Variants in CSTPP1 observed in about 807,000 individuals in gnomAD.
CSTPP1 encodes the protein UPF0705 protein C11orf49.
the CSTPP1 span, among the ~76,000 whole-genome samples, chr11:47,046,774 C>T: frequency 7.2e-6 from 1 of 138,730 alleles, no homozygotes; most frequent in African/African-American, 2.7e-5. Context: ...TCAAGTGATT[C>T]TCCTGCTCAG....
At chr11:47,124,635 G>T in the CSTPP1 span, among the ~76,000 whole-genome samples, 2 of 151,976 alleles carry the variant, frequency 1.3e-5, no homozygotes, top group Non-Finnish European at 2.9e-5. Context: ...TATACGTGAG[G>T]CATGACAGGA....
chr11:47,095,247 C>T, the CSTPP1 span, among the ~76,000 whole-genome samples: 6 of 152,132 alleles, frequency 3.9e-5, no homozygotes, highest in Non-Finnish European at 8.8e-5. Flanking sequence ...TTTCAAAGGA[C>T]ATGAGGGGTG....
chr11:46,996,159 G>T, the CSTPP1 span, among the ~76,000 whole-genome samples: 2 of 151,986 alleles, frequency 1.3e-5, no homozygotes, highest in East Asian at 3.9e-4. Flanking sequence ...TTTATTTTGA[G>T]CCTATGTGTG....
the CSTPP1 span, among the ~76,000 whole-genome samples, chr11:47,060,985 A>T: frequency 6.6e-6 from 1 of 152,222 alleles, no homozygotes; most frequent in African/African-American, 2.4e-5. Context: ...TTGGTTTGAC[A>T]GGATTTGCTG....
chr11:47,107,965 C>T, the CSTPP1 span, among the ~76,000 whole-genome samples: 2 of 152,248 alleles, frequency 1.3e-5, no homozygotes, highest in African/African-American at 4.8e-5. Flanking sequence ...TAGTCCAGGC[C>T]TTCCACAACT....
At chr11:47,062,331 C>A in the CSTPP1 span, among the ~76,000 whole-genome samples, 3 of 152,002 alleles carry the variant, frequency 2.0e-5, no homozygotes, top group African/African-American at 7.3e-5. Context: ...TTACCTTTTC[C>A]CAGTAATGAT....
the CSTPP1 span, among the ~76,000 whole-genome samples, chr11:46,998,737 G>GTT: frequency 2.0e-5 from 3 of 149,888 alleles, no homozygotes; most frequent in South Asian, 2.1e-4. Flanking sequence ...TTTTTGTTTT[G>GTT]TTTTTTTTTG....
chr11:46,998,461 G>A, the CSTPP1 span, among the ~76,000 whole-genome samples: 11 of 152,132 alleles, frequency 7.2e-5, no homozygotes, highest in Non-Finnish European at 1.2e-4. Context: ...CATAATATAC[G>A]AGTGACACAT....
At chr11:47,164,317 G>A in the CSTPP1 span, 30,577 of 1,504,850 alleles carry the variant, frequency 0.02, 379 homozygotes, top group Non-Finnish European at 0.023. Context: ...CAGACCAACA[G>A]GGAGCCAGGC....
the CSTPP1 span, among the ~76,000 whole-genome samples, chr11:47,039,804 A>G: frequency 1.6e-5 from 2 of 128,598 alleles, 1 homozygote; most frequent in Non-Finnish European, 3.7e-5. Context: ...GTGCCACTGC[A>G]GTCCGTCCTG....
At chr11:46,963,072 A>G in the CSTPP1 span, among the ~76,000 whole-genome samples, 1 of 152,110 alleles carries the variant, frequency 6.6e-6, no homozygotes, top group African/African-American at 2.4e-5. Flanking sequence ...AGTAGAGATC[A>G]TTTTACGTCA....
the CSTPP1 span, among the ~76,000 whole-genome samples, chr11:47,040,848 C>T: frequency 1.6e-5 from 2 of 127,076 alleles, 1 homozygote; most frequent in Non-Finnish European, 3.7e-5. Context: ...GGGTCATTCT[C>T]AGGGTATGCT....
the CSTPP1 span, chr11:47,052,385 C>A: frequency 6.2e-7 from 1 of 1,608,758 alleles, no homozygotes; most frequent in East Asian, 2.2e-5. Context: ...TTTCTCTTTG[C>A]AGTTTTAACA....
At chr11:47,105,933 C>T in the CSTPP1 span, among the ~76,000 whole-genome samples, 1 of 152,138 alleles carries the variant, frequency 6.6e-6, no homozygotes, top group East Asian at 1.9e-4. Context: ...CAAAGTGCCT[C>T]TTTGAAATTA....
chr11:47,122,024 T>A, the CSTPP1 span, among the ~76,000 whole-genome samples: 1 of 124,732 alleles, frequency 8.0e-6, no homozygotes, highest in African/African-American at 3.2e-5. Flanking sequence ...TAAGCTATGA[T>A]CACACCACTG....
the CSTPP1 span, among the ~76,000 whole-genome samples, chr11:47,046,140 A>G: frequency 7.2e-5 from 11 of 152,244 alleles, no homozygotes; most frequent in African/African-American, 2.6e-4. Context: ...TATGGGGGTG[A>G]ATTTTTTAAA....
the CSTPP1 span, among the ~76,000 whole-genome samples, chr11:46,955,850 G>A: frequency 1.3e-5 from 2 of 151,904 alleles, no homozygotes; most frequent in South Asian, 4.2e-4. Context: ...AAATTAGCTG[G>A]GCGCGGCGGG....
chr11:47,059,551 A>G, the CSTPP1 span, among the ~76,000 whole-genome samples: 1 of 152,218 alleles, frequency 6.6e-6, no homozygotes, highest in African/African-American at 2.4e-5. Flanking sequence ...TAAGCAAATA[A>G]GGAATACGTT....
At chr11:46,939,663 GATA>G in the CSTPP1 span, among the ~76,000 whole-genome samples, 1 of 140,832 alleles carries the variant, frequency 7.1e-6, no homozygotes, top group African/African-American at 2.5e-5. Flanking sequence ...TAGATAGATA[GATA>G]GATAGATAGG....
Sources: gnomAD v4.1 joint callset for allele counts (sites outside exome capture counted in the v4.1 genomes callset) on GRCh38, gnomAD v4.1.1 for gene constraint, MANE v1.5 for transcripts, NCBI Gene and HGNC (gene_info 2026-07-23, HGNC 2026-07-21) for gene names.